The following NVL variants were observed in gnomAD, a reference collection of about 807,000 sequenced individuals.
The protein encoded by NVL is nuclear valosin-containing protein-like.
In NVL, 84 loss-of-function variants were observed where a neutral mutation model predicts 110.2. The ratio of observed to expected loss-of-function variants is 0.76; its 90% CI spans 0.64 to 0.91. The LOEUF is 0.91. Ranked by LOEUF, NVL falls within the 40% of genes least tolerant of loss-of-function variation. NVL has a pLI of 0.00. For missense variants in NVL, 882 were observed against 1,035.9 expected (o/e 0.85, Z 2.04); for synonymous variants, 354 against 361.1 (o/e 0.98, Z 0.22).
At chr1:224,238,237 T>C (rs1166452561) in intron 19 of NVL, among the ~76,000 whole-genome samples, 1 of 152,062 alleles carries the variant, frequency 6.6e-6, no homozygotes, top group Non-Finnish European at 1.5e-5. Flanking sequence ...TTCACGATGT[T>C]GCCCAGGCTG....
Position 224,248,063 on chromosome 1 carries a change from C to G in NVL, c.2289+2149G>C, listed in dbSNP as rs939821117. 2.0e-5 allele frequency among the ~76,000 whole-genome samples: 3 copies of G among 152,108 alleles called. No homozygotes were observed. In the South Asian group the frequency reaches 6.2e-4, roughly 32 times the overall value. On this transcript the variant is annotated intron_variant, in intron 19 of 22. Coordinates refer to ENST00000281701, the MANE Select transcript of NVL (RefSeq NM_002533.4). Reference sequence around the variant, plus strand: ...CAGCCAGAGGACTCTCCTGAACTCCCAACCACAGACCCAACATCCTGCTCA... The same window carrying G: ...CAGCCAGAGGACTCTCCTGAACTCCGAACCACAGACCCAACATCCTGCTCA...
chr1:224,256,434 A>AT (rs1351958646), intron 18 of NVL, among the ~76,000 whole-genome samples: 1 of 149,364 alleles, frequency 6.7e-6, no homozygotes, highest in South Asian at 2.1e-4. Flanking sequence ...AAAAAAAAAA[A>AT]AAAAAAAAAA....
chr1:224,236,611 T>C (rs200898036), intron 19 of NVL, 29 bp from the exon 20 acceptor site: 32 of 1,581,232 alleles, frequency 2.0e-5, no homozygotes, highest in African/African-American at 1.2e-4. Context: ...TGATTTTTCA[T>C]TGGAGCTTTA....
At chr1:224,285,705 C>T (rs1666794586) in intron 15 of NVL, among the ~76,000 whole-genome samples, 1 of 151,622 alleles carries the variant, frequency 6.6e-6, no homozygotes, top group African/African-American at 2.4e-5. Flanking sequence ...ATAACAATAC[C>T]AAAGCAGGAA....
chr1:224,325,496 G>A (rs1282437402), intron 2 of NVL, among the ~76,000 whole-genome samples: 2 of 151,704 alleles, frequency 1.3e-5, no homozygotes, highest in African/African-American at 4.8e-5. Flanking sequence ...CACTTTGGGA[G>A]GCCAAGGTGG....
intron 2 of NVL, among the ~76,000 whole-genome samples, chr1:224,319,316 T>C (rs546222976): frequency 9.2e-5 from 14 of 152,006 alleles, no homozygotes; most frequent in South Asian, 6.2e-4. Context: ...TTCTTTCTTT[T>C]TGTTTTTTTG....
intron 19 of NVL, among the ~76,000 whole-genome samples, chr1:224,237,003 A>G (rs1360373786): frequency 6.6e-6 from 1 of 152,230 alleles, no homozygotes; most frequent in East Asian, 1.9e-4. Context: ...GGTGCTGTTA[A>G]GGTTTATACA....
At chr1:224,317,509 C>A (rs1255691696) in intron 4 of NVL, among the ~76,000 whole-genome samples, 185 bp downstream of exon 4, 2 of 152,074 alleles carry the variant, frequency 1.3e-5, no homozygotes, top group Admixed American at 6.6e-5. Flanking sequence ...ACCACCCATA[C>A]AAAGGCACAG....
rs1459271567 is a variant in NVL, at chr1:224,308,170, T to C, written c.436A>G (p.Thr146Ala). The change falls in exon 6 of 23, where the codon ACC (threonine) becomes GCC (alanine). Residue 146 changes from threonine (T) to alanine (A), a missense_variant. By Grantham distance (58) the Thr-to-Ala change is moderately conservative. This residue lies in a region of NVL where 274 missense variants were observed against 268.4 expected (regional missense o/e 1.02). Coordinates refer to ENST00000281701, the MANE Select transcript of NVL (RefSeq NM_002533.4). ...CTTATCCGTGGTGTTGAAGAGGTGGTTTCTCTTTGCTCCATCTCAGGAGTA... is the reference window on the plus strand; with the variant it reads ...CTTATCCGTGGTGTTGAAGAGGTGGCTTCTCTTTGCTCCATCTCAGGAGTA... Reference protein sequence around the residue: ...SNTPEMEQRETTSSTPRISSK... With the variant: ...SNTPEMEQREATSSTPRISSK... 1 of 1,614,048 alleles carries C rather than the reference T, an allele frequency of 6.2e-7. No homozygotes were observed. The highest frequency in any genetic ancestry group is 8.5e-7 in the Non-Finnish European group (1 of 1,179,974).
chr1:224,311,073 T>C (rs1464804635), intron 5 of NVL, among the ~76,000 whole-genome samples: 1 of 151,870 alleles, frequency 6.6e-6, no homozygotes, highest in Non-Finnish European at 1.5e-5. Context: ...ATTTATTTTT[T>C]TGGAGACAGG....
chr1:224,233,320 C>A (rs755484778), intron 20 of NVL, 31 bp from the exon 21 acceptor site: 3 of 1,524,284 alleles, frequency 2.0e-6, no homozygotes, highest in South Asian at 1.2e-5. Flanking sequence ...TCTACTTATT[C>A]TTAGATACTG....
At chr1:224,317,017 T>C (rs572095442) in intron 4 of NVL, among the ~76,000 whole-genome samples, 14 of 151,940 alleles carry the variant, frequency 9.2e-5, no homozygotes, top group South Asian at 6.2e-4. Flanking sequence ...CACATGACTG[T>C]AATCCCAGCT....
chr1:224,289,140 A>G lies in NVL; in HGVS notation c.1575+344T>C, dbSNP rs549257962. 26 of 218,276 alleles carry G rather than the reference A, an allele frequency of 1.2e-4. No homozygotes were observed. The South Asian group carries it at 2.0e-3, about 17-fold the overall frequency. The allele number at this position is 218,276 out of a possible 1,614,324, so 13.5% of individuals were successfully genotyped here. ...TCCTGTGTGAATTCTGCCATGAAGA[A>G]CGAAAGCAGAAACAGACAACATGTA... On this transcript the variant is annotated intron_variant, in intron 13 of 22. Coordinates refer to ENST00000281701, the MANE Select transcript of NVL (RefSeq NM_002533.4).
At chr1:224,273,069 A>AG (rs1665346733) in intron 17 of NVL, among the ~76,000 whole-genome samples, 2 of 148,074 alleles carry the variant, frequency 1.4e-5, no homozygotes, top group African/African-American at 5.2e-5. Flanking sequence ...ACAAAAAAAA[A>AG]CACAACAAAA....
At chr1:224,267,385 T>C (rs1664593703) in intron 18 of NVL, among the ~76,000 whole-genome samples, 1 of 152,052 alleles carries the variant, frequency 6.6e-6, no homozygotes, top group Admixed American at 6.6e-5. Context: ...GAAAATACTT[T>C]TGTGGTCAAA....
Position 224,227,627 on chromosome 1 carries a change from C to T in NVL, c.2570G>A (p.Ter857=). The T allele has an allele frequency of 6.2e-7, 1 of 1,611,048 alleles. No individual in the cohort carries two copies. Among genetic ancestry groups the T allele is most frequent in the Non-Finnish European group, 8.5e-7 (1 of 1,178,128 alleles). The change falls in exon 23 of 23, where the codon TGA becomes TAA. Residue 857 remains the stop codon, a stop_retained_variant. Transcript: ENST00000281701. ...CCTCTAAGCCGGCTGCTGGAGACAT[C>T]ACCGGCTGAGGGACTCCTGCAAACG... The part of the protein sequence containing the change: ...YERLQESLSR[*]
intron 16 of NVL, among the ~76,000 whole-genome samples, chr1:224,278,226 C>CTTTTTTTTTT (rs931102981): frequency 9.0e-6 from 1 of 111,132 alleles, no homozygotes; most frequent in Non-Finnish European, 1.8e-5. Context: ...ATCATCTAAT[C>CTTTTTTTTTT]TTTTTTTTTT....
intron 5 of NVL, among the ~76,000 whole-genome samples, chr1:224,311,349 C>T (rs1043703795): frequency 7.3e-5 from 11 of 151,122 alleles, no homozygotes; most frequent in Admixed American, 2.0e-4. Context: ...GCGTGAGCCA[C>T]GACAGCTAGC....
intron 4 of NVL, among the ~76,000 whole-genome samples, chr1:224,314,290 A>C (rs10753462): frequency 0.92 from 139,866 of 152,254 alleles, 64,463 homozygotes; most frequent in Middle Eastern, 0.98. Flanking sequence ...ATTATGCAAT[A>C]GTGTAACACA....
Sources: allele counts gnomAD v4.1 joint callset (sites outside exome capture counted in the v4.1 genomes callset), GRCh38; gene constraint gnomAD v4.1.1; regional missense constraint gnomAD v4.1.1; transcripts MANE v1.5; gene names NCBI Gene and HGNC (gene_info 2026-07-23, HGNC 2026-07-21).